KLRD1: variants seen among roughly 807,000 people sequenced by gnomAD.
KLRD1 encodes the protein natural killer cells antigen CD94.
In KLRD1, 21 loss-of-function variants were observed where a neutral mutation model predicts 22.6. That is an observed-to-expected ratio of 0.93 (90% confidence interval 0.66 to 1.34). The LOEUF is 1.34. KLRD1 is among the 40% of genes most tolerant of loss of function. The pLI is 0.00. For synonymous variants in KLRD1, 59 were observed against 71.1 expected (o/e 0.83, Z 0.85); for missense variants, 183 against 208.6 (o/e 0.88, Z 0.76).
rs561468073 is a variant in KLRD1 at position 10,248,251 on chromosome 12, T to C, written c.-101+22018T>C. 2.8e-3 allele frequency among the ~76,000 whole-genome samples: 427 copies of C among 152,232 alleles called. 5 individuals carry two copies. Among genetic ancestry groups the C allele is most frequent in the African/African-American group, 6.2e-3 (259 of 41,532 alleles). On this transcript the variant is annotated intron_variant, in intron 1 of 5. Coordinates refer to the KLRD1 transcript ENST00000544747. ...TAATCCTGTTTTAAAAAAAAATCTATGAGACTTTTACAGATCAAGAAATCA... is the reference window on the plus strand; with the variant it reads ...TAATCCTGTTTTAAAAAAAAATCTACGAGACTTTTACAGATCAAGAAATCA...
intron 2 of KLRD1, 57 bp from the exon 3 acceptor site, chr12:10,309,569 T>C: frequency 7.4e-6 from 10 of 1,357,878 alleles, no homozygotes; most frequent in Non-Finnish European, 1.1e-5. Flanking sequence ...ATGTGTAATA[T>C]TTTAGTATTT....
chr12:10,323,849 TTTC>T lies in KLRD1; in HGVS notation c.*9059_*9061del, dbSNP rs1470385364. 2.2e-5 allele frequency: 3 copies of T among 138,902 alleles called. No individual in the cohort carries two copies. Among genetic ancestry groups the T allele is most frequent in the Non-Finnish European group, 4.6e-5 (3 of 65,534 alleles). The allele number at this position is 138,902 out of a possible 1,614,324, so 8.6% of individuals were successfully genotyped here. ...TGTATCAATAGTTAATTCCCTTTTATTTCTTATTTCTTTCCTTTTTTTTTTTTT... is the reference window on the plus strand; with the variant it reads ...TGTATCAATAGTTAATTCCCTTTTATTTATTTCTTTCCTTTTTTTTTTTTT... On this transcript the variant is annotated 3_prime_UTR_variant, in exon 6 of 6. Coordinates refer to ENST00000336164, the MANE Select transcript of KLRD1 (RefSeq NM_002262.5).
intron 1 of KLRD1, among the ~76,000 whole-genome samples, chr12:10,247,338 GATTT>G (rs1373892712): frequency 3.9e-5 from 6 of 152,030 alleles, no homozygotes; most frequent in East Asian, 3.9e-4. Flanking sequence ...ATTGGAATGT[GATTT>G]AGTTAGTTGG....
upstream of KLRD1, among the ~76,000 whole-genome samples, chr12:10,300,296 G>C (rs1342638010): frequency 1.3e-5 from 2 of 152,148 alleles, no homozygotes; most frequent in Non-Finnish European, 2.9e-5. Context: ...CTTAAAAGTT[G>C]AAATGACTCC....
chr12:10,289,010 CTT>C (rs1949739243), intron 1 of KLRD1, among the ~76,000 whole-genome samples: 2 of 152,168 alleles, frequency 1.3e-5, no homozygotes, highest in South Asian at 4.1e-4. Context: ...TCCTGTGTCT[CTT>C]TTTCTTTATG....
At chr12:10,250,595 C>A (rs959293156) in intron 1 of KLRD1, among the ~76,000 whole-genome samples, 6 of 151,986 alleles carry the variant, frequency 3.9e-5, no homozygotes, top group Admixed American at 2.6e-4. Flanking sequence ...GCAGCTGGGA[C>A]TACAGGCTCC....
chr12:10,262,674 T>C (rs1387227122), intron 1 of KLRD1, among the ~76,000 whole-genome samples: 1 of 152,076 alleles, frequency 6.6e-6, no homozygotes, highest in Non-Finnish European at 1.5e-5. Context: ...ATGGTTGCCT[T>C]ATTCAGGATC....
At chr12:10,276,387 AT>A (rs1252981620) in intron 1 of KLRD1, among the ~76,000 whole-genome samples, 6 of 151,826 alleles carry the variant, frequency 4.0e-5, no homozygotes, top group Non-Finnish European at 8.8e-5. Flanking sequence ...AGCCTTTGAC[AT>A]TTTCTGTTTA....
At chr12:10,286,662 C>CT (rs747241701) in intron 1 of KLRD1, among the ~76,000 whole-genome samples, 37,680 of 54,608 alleles carry the variant, frequency 0.69, 17,092 homozygotes, top group Non-Finnish European at 0.82. Flanking sequence ...GCTTATGGTG[C>CT]TTTTTTTTTT....
In KLRD1 at chr12:10,323,407, CA is replaced by C. The variant is rs1950328201; in HGVS notation, c.*8617del. The C allele has an allele frequency of 6.7e-6, 1 of 149,596 alleles. No individual in the cohort carries two copies. Among genetic ancestry groups the C allele is most frequent in the African/African-American group, 2.4e-5 (1 of 41,046 alleles). The allele number at this position is 149,596 out of a possible 1,614,324, so 9.3% of individuals were successfully genotyped here. A position where few individuals can be genotyped will look rare whatever the true frequency, so the allele number is the denominator to read the frequency against. On this transcript the variant is annotated 3_prime_UTR_variant, in exon 6 of 6. Coordinates refer to ENST00000336164, the MANE Select transcript of KLRD1 (RefSeq NM_002262.5). ...AATTGTACATTTAATTTCCATCTTC[CA>C]AATGAATAATGATGCTTATCCCTCA...
chr12:10,313,009 C>T (rs1281715573), intron 4 of KLRD1, among the ~76,000 whole-genome samples: 1 of 151,528 alleles, frequency 6.6e-6, no homozygotes, highest in Admixed American at 6.6e-5. Context: ...AAAGAAAAAG[C>T]GAAAAACTTC....
At chr12:10,259,706 C>T (rs1730687095) in intron 1 of KLRD1, among the ~76,000 whole-genome samples, 1 of 152,214 alleles carries the variant, frequency 6.6e-6, no homozygotes, top group Non-Finnish European at 1.5e-5. Context: ...TGGCTCAAGC[C>T]TGTAATCCCA....
chr12:10,252,724 T>C (rs550836727), intron 1 of KLRD1, among the ~76,000 whole-genome samples: 7 of 152,160 alleles, frequency 4.6e-5, no homozygotes, highest in Non-Finnish European at 8.8e-5. Flanking sequence ...ACTTCATCTT[T>C]GAGAAAGAGG....
chr12:10,259,909 T>C (rs997696193), intron 1 of KLRD1, among the ~76,000 whole-genome samples: 2 of 152,188 alleles, frequency 1.3e-5, no homozygotes, highest in Admixed American at 6.5e-5. Context: ...GAGGTTGCAG[T>C]GAGCCAAATT....
At chr12:10,262,137 C>CAA (rs1949459554) in intron 1 of KLRD1, among the ~76,000 whole-genome samples, 4 of 151,976 alleles carry the variant, frequency 2.6e-5, no homozygotes, top group Admixed American at 6.5e-5. Flanking sequence ...TAAGTGAACA[C>CAA]AATATGTTAA....
At chr12:10,280,815 C>G (rs892067568) in intron 1 of KLRD1, among the ~76,000 whole-genome samples, 5 of 152,076 alleles carry the variant, frequency 3.3e-5, no homozygotes, top group Admixed American at 3.3e-4. Flanking sequence ...TGTTGAGAAT[C>G]CTGCCCCCAG....
intron 1 of KLRD1, among the ~76,000 whole-genome samples, chr12:10,247,477 A>G (rs1592021478): frequency 6.6e-6 from 1 of 152,154 alleles, no homozygotes; most frequent in Non-Finnish European, 1.5e-5. Context: ...AAAATTTAAT[A>G]CCTTTCCATC....
chr12:10,266,416 G>A (rs1380226751), intron 1 of KLRD1, among the ~76,000 whole-genome samples: 5 of 151,792 alleles, frequency 3.3e-5, no homozygotes, highest in Non-Finnish European at 7.4e-5. Context: ...TTTGAAGTTG[G>A]ACATTTTTCC....
intron 1 of KLRD1, among the ~76,000 whole-genome samples, chr12:10,274,816 T>C (rs1217017244): frequency 6.6e-6 from 1 of 152,180 alleles, no homozygotes; most frequent in African/African-American, 2.4e-5. Flanking sequence ...TCCAAATTTG[T>C]CTTATGTTCC....
Sources: allele counts gnomAD v4.1 joint callset (sites outside exome capture counted in the v4.1 genomes callset), GRCh38; gene constraint gnomAD v4.1.1; transcripts MANE v1.5; gene names NCBI Gene and HGNC (gene_info 2026-07-23, HGNC 2026-07-21).